The following NCOA1 variants were observed in gnomAD, a reference collection of about 807,000 sequenced individuals.
NCOA1 encodes nuclear receptor coactivator 1.
NCOA1 carries 35 observed loss-of-function variants against 150.9 expected under a neutral mutation model. The ratio of observed to expected loss-of-function variants is 0.23; its 90% CI spans 0.18 to 0.31. NCOA1 has a LOEUF of 0.31. NCOA1 is among the 10% of genes least tolerant of loss of function. The pLI is 1.00. For missense variants in NCOA1, 1,491 were observed against 1,749.3 expected, an observed-to-expected ratio of 0.85 and a Z score of 2.63; for synonymous variants, 590 against 630.0, an observed-to-expected ratio of 0.94 and a Z score of 0.95.
rs1260669661 is a variant in NCOA1 at position 24,741,860 on chromosome 2, T to C, written c.3380T>C (p.Ile1127Thr). 3.1e-6 allele frequency: 5 copies of C among 1,614,190 alleles called. No individual in the cohort carries two copies. The highest frequency in any genetic ancestry group is 4.2e-6 in the Non-Finnish European group (5 of 1,180,016). The change falls in exon 19 of 23, where the codon ATA becomes ACA. Residue 1127 changes from isoleucine (I) to threonine (T), a missense_variant. Transcript: ENST00000348332. ...CAACAGCACCGACAGAGGCAGCTAA[T>C]ACAGCAGCAAAGAGCCATGCTTATG... The part of the protein sequence containing the change: ...YSQQHRQRQL[I>T]QQQRAMLMRQ...
intron 1 of NCOA1, among the ~76,000 whole-genome samples, chr2:24,516,955 A>ATATATACGTATATGTGTATATATACGT (rs1558758490): frequency 1.4e-5 from 1 of 70,078 alleles, no homozygotes; most frequent in African/African-American, 4.5e-5. Context: ...TATATATACA[A>ATATATACGTATATGTGTATATATACGT]GTATATATAC....
chr2:24,495,105 T>TG (rs1213011660), intron 1 of NCOA1, among the ~76,000 whole-genome samples: 5 of 150,382 alleles, frequency 3.3e-5, no homozygotes, highest in African/African-American at 1.2e-4. Context: ...TTTTTTTTGT[T>TG]TTTTTTTTTT....
chr2:24,582,227 T>TA (rs1301907347), intron 2 of NCOA1, among the ~76,000 whole-genome samples: 1 of 152,148 alleles, frequency 6.6e-6, no homozygotes, highest in Non-Finnish European at 1.5e-5. Context: ...CCACTTTTTT[T>TA]AATCAGTTTT....
At chr2:24,552,593 C>T (rs1043562646) in intron 1 of NCOA1, among the ~76,000 whole-genome samples, 6 of 151,624 alleles carry the variant, frequency 4.0e-5, no homozygotes, top group African/African-American at 1.5e-4. Context: ...CCTTGATCTC[C>T]TGACCTCGTC....
rs1247685124 is a variant in NCOA1 at position 24,584,529 on chromosome 2, A to C, written c.-206A>C. 6.6e-6 allele frequency: 1 copy of C among 152,236 alleles called. No individual in the cohort carries two copies. The highest frequency in any genetic ancestry group is 1.5e-5 in the Non-Finnish European group (1 of 68,040). The allele number at this position is 152,236 out of a possible 1,614,324, so 9.4% of individuals were successfully genotyped here. A position where few individuals can be genotyped will look rare whatever the true frequency, so the allele number is the denominator to read the frequency against. ...AGTTAATCTCCTCAGAAATCACTAAATACTACTCTGAGGGGCTTAGAAATT... is the reference window on the plus strand; with the variant it reads ...AGTTAATCTCCTCAGAAATCACTAACTACTACTCTGAGGGGCTTAGAAATT... On this transcript the variant is annotated 5_prime_UTR_variant, in exon 3 of 23. Transcript: ENST00000348332.
At chr2:24,545,651 T>G (rs1665577299) in intron 1 of NCOA1, among the ~76,000 whole-genome samples, 1 of 152,164 alleles carries the variant, frequency 6.6e-6, no homozygotes, top group South Asian at 2.1e-4. Flanking sequence ...ACCAAGGTAT[T>G]TACATAGGAT....
At chr2:24,705,719 G>A (rs1012058553) in intron 12 of NCOA1, among the ~76,000 whole-genome samples, 2 of 152,072 alleles carry the variant, frequency 1.3e-5, no homozygotes, top group African/African-American at 4.8e-5. Context: ...GTTTTACACT[G>A]ATATATGGTA....
chr2:24,729,707 T>G lies in NCOA1; in HGVS notation c.3093T>G (p.Ala1031=), dbSNP rs760264962. 6.2e-6 allele frequency: 10 copies of G among 1,614,166 alleles called. No homozygotes were observed. In the South Asian group the frequency reaches 9.9e-5, roughly 16 times the overall value. The change falls in exon 17 of 23, where the codon GCT becomes GCG. Residue 1031 remains alanine, a synonymous_variant. Transcript: ENST00000348332. The part of the protein sequence containing the change: ...MPVQVTPPRG[A]FSPGMGMQPR... ...TTCAAGTAACACCTCCCCGAGGTGC[T>G]TTTTCACCTGGCATGGGCATGCAGC...
intron 3 of NCOA1, among the ~76,000 whole-genome samples, chr2:24,612,157 C>T (rs1668659829): frequency 6.6e-6 from 1 of 152,064 alleles, no homozygotes; most frequent in Non-Finnish European, 1.5e-5. Context: ...GATTTTATTT[C>T]TTCTTTGCTT....
chr2:24,710,778 C>T (rs1673710261), intron 13 of NCOA1, among the ~76,000 whole-genome samples, 153 bp from the exon 14 acceptor site: 1 of 152,182 alleles, frequency 6.6e-6, no homozygotes, highest in Non-Finnish European at 1.5e-5. Flanking sequence ...ATGTAATTTC[C>T]AAGTAGCCCC....
intron 1 of NCOA1, among the ~76,000 whole-genome samples, chr2:24,558,466 A>G (rs2148245656): frequency 6.6e-6 from 1 of 152,274 alleles, no homozygotes; most frequent in East Asian, 1.9e-4. Context: ...AAAATAAGGA[A>G]GAAGCAAAAG....
chr2:24,612,300 T>C (rs1668665596), intron 3 of NCOA1, among the ~76,000 whole-genome samples: 2 of 152,332 alleles, frequency 1.3e-5, no homozygotes, highest in South Asian at 4.1e-4. Flanking sequence ...CTCTGACCTT[T>C]TTCTCTGACT....
At chr2:24,576,170 G>GTTTTTGTTTTTTTTTTT (rs1666967476) in intron 2 of NCOA1, among the ~76,000 whole-genome samples, 9 of 46,312 alleles carry the variant, frequency 1.9e-4, no homozygotes, top group African/African-American at 5.7e-4. Context: ...TTTGTTTTTT[G>GTTTTTGTTTTTTTTTTT]TTTTTTTTTT....
intron 21 of NCOA1, among the ~76,000 whole-genome samples, chr2:24,760,728 A>G (rs1489901647): frequency 6.6e-6 from 1 of 152,176 alleles, no homozygotes; most frequent in East Asian, 1.9e-4. Context: ...TAATTTGATT[A>G]TGATATGCTT....
intron 1 of NCOA1, among the ~76,000 whole-genome samples, chr2:24,512,557 C>T (rs1051994017): frequency 6.6e-5 from 10 of 152,262 alleles, no homozygotes; most frequent in African/African-American, 2.4e-4. Flanking sequence ...CCCATTTTAT[C>T]AAGGTCCTCT....
intron 8 of NCOA1, among the ~76,000 whole-genome samples, chr2:24,683,568 A>G (rs577498899): frequency 8.4e-4 from 128 of 152,342 alleles, no homozygotes; most frequent in African/African-American, 3.0e-3. Flanking sequence ...TGGATGGGCT[A>G]TTCGCTGCTG....
At chr2:24,639,045 C>T (rs996832268) in intron 3 of NCOA1, among the ~76,000 whole-genome samples, 6 of 152,004 alleles carry the variant, frequency 3.9e-5, no homozygotes, top group African/African-American at 1.4e-4. Context: ...GGCTGATTTT[C>T]TTTTCCGTTA....
chr2:24,585,765 ATTTC>A lies in NCOA1; in HGVS notation c.-175+1209_-175+1212del, dbSNP rs574466681. Among the ~76,000 whole-genome samples the A allele has an allele frequency of 3.0e-4, 45 of 152,262 alleles. 1 individual carries two copies. In the South Asian group the frequency reaches 9.3e-3, roughly 32 times the overall value. On this transcript the variant is annotated intron_variant, in intron 3 of 22. Transcript: ENST00000348332. ...ATGTAAGATTTTCATATACACGTAT[ATTTC>A]TTTGTCTCTATTAATGTTCCTTTGA...
chr2:24,738,256 T>A (rs1663426912), intron 17 of NCOA1, among the ~76,000 whole-genome samples: 1 of 151,510 alleles, frequency 6.6e-6, no homozygotes, highest in Non-Finnish European at 1.5e-5. Flanking sequence ...TTCTAGTTTA[T>A]GTATAATATA....
Sources: allele counts gnomAD v4.1 joint callset (sites outside exome capture counted in the v4.1 genomes callset), GRCh38; gene constraint gnomAD v4.1.1; transcripts MANE v1.5; gene names NCBI Gene and HGNC (gene_info 2026-07-23, HGNC 2026-07-21).